The following APCDD1 variants were observed in gnomAD, a reference collection of about 807,000 sequenced individuals.
APCDD1 encodes APC down-regulated 1.
In APCDD1, 15 loss-of-function variants were observed where a neutral mutation model predicts 38.1. The observed-to-expected ratio is 0.39, with a 90% CI of 0.26 to 0.61. The LOEUF is 0.61. Among genes scored for constraint, APCDD1 ranks in the 20% least tolerant of loss-of-function variants. APCDD1 has a pLI of 0.49. For synonymous variants in APCDD1, 261 were observed against 279.7 expected (o/e 0.93, Z 0.67); for missense variants, 647 against 696.2 (o/e 0.93, Z 0.79).
At chr18:10,478,866 C>T (rs1026313968) in intron 3 of APCDD1, among the ~76,000 whole-genome samples, 1 of 152,184 alleles carries the variant, frequency 6.6e-6, no homozygotes, top group Non-Finnish European at 1.5e-5. Context: ...TTCACAAGCT[C>T]CTAGAATCCC....
In APCDD1 at chr18:10,455,033, C is replaced by T. The variant is rs751070400; in HGVS notation, c.52C>T (p.Leu18Phe). The change falls in exon 1 of 5, where the codon CTT becomes TTT. Residue 18 changes from leucine (L) to phenylalanine (F), a missense_variant. Transcript: ENST00000355285. The part of the protein sequence containing the change: ...LLRYLFPALL[L>F]HGLGEGSALL... ...CAGATACCTGTTCCCGGCCCTCCTG[C>T]TTCACGGTGAGTTCCCGAGGGCCAC... is the stretch of plus-strand genomic sequence containing the variant. 11 of 1,564,832 alleles carry T rather than the reference C, an allele frequency of 7.0e-6. No homozygotes were observed. Among genetic ancestry groups the T allele is most frequent in the Non-Finnish European group, 9.5e-6 (11 of 1,155,048 alleles).
At chr18:10,480,837 C>T in intron 3 of APCDD1, among the ~76,000 whole-genome samples, 1 of 151,528 alleles carries the variant, frequency 6.6e-6, no homozygotes, top group South Asian at 2.1e-4. Flanking sequence ...CACTGCACTC[C>T]AACCTGGGCA....
At chr18:10,456,096 G>A (rs1178897571) in intron 1 of APCDD1, among the ~76,000 whole-genome samples, 1 of 152,190 alleles carries the variant, frequency 6.6e-6, no homozygotes. Context: ...GGAAAGGGAA[G>A]AATTGTTAAC....
chr18:10,468,418 A>G (rs766634852), intron 1 of APCDD1, 51 bp from the exon 2 acceptor site: 13 of 1,601,498 alleles, frequency 8.1e-6, no homozygotes, highest in South Asian at 1.1e-5. Flanking sequence ...GGCCTGATTC[A>G]TGTCTGCTGC....
At position 10,475,222 on chromosome 18, in the gene APCDD1, T is replaced by C. The variant is rs2143543185; in HGVS notation, c.774+3161T>C. ...GACCAGGGAACATCAAAGTGTTTCA[T>C]GATGCCTAGCCATAAAACACTTCCT... On this transcript the variant is annotated intron_variant, in intron 3 of 4. Transcript: ENST00000355285. This position sits in a 1 kb window ranked among gnomAD's most constrained non-coding sequence, Gnocchi z 4.0. 6.6e-6 allele frequency among the ~76,000 whole-genome samples: 1 copy of C among 152,332 alleles called. No homozygotes were observed. The highest frequency in any genetic ancestry group is 2.1e-4 in the South Asian group (1 of 4,828).
chr18:10,481,495 A>G (rs1355609378), intron 3 of APCDD1, among the ~76,000 whole-genome samples: 1 of 152,128 alleles, frequency 6.6e-6, no homozygotes, highest in Non-Finnish European at 1.5e-5. Context: ...TCAAATCCAC[A>G]GAGACAGAAA....
At chr18:10,484,287 G>C (rs748791253) in intron 3 of APCDD1, among the ~76,000 whole-genome samples, 5 of 152,194 alleles carry the variant, frequency 3.3e-5, no homozygotes, top group Non-Finnish European at 5.9e-5. Flanking sequence ...CCCTTCTTGC[G>C]GGCCGCCTCC....
chr18:10,480,103 G>A (rs1227339817), intron 3 of APCDD1, among the ~76,000 whole-genome samples: 1 of 152,138 alleles, frequency 6.6e-6, no homozygotes, highest in Admixed American at 6.5e-5. Context: ...GCTTTAAATA[G>A]CCCTTTCTAA....
rs1334116468 is a variant in APCDD1 at position 10,488,686 on chromosome 18, G to T, written c.*648G>T. On this transcript the variant is annotated 3_prime_UTR_variant, in exon 5 of 5. Transcript: ENST00000355285. ...GAAAAGTATCTGTAATTAAAGTTTCGAAGTAATTTAACCTATTTTTACATC... is the reference window on the plus strand; with the variant it reads ...GAAAAGTATCTGTAATTAAAGTTTCTAAGTAATTTAACCTATTTTTACATC... 6.6e-6 allele frequency: 1 copy of T among 152,368 alleles called. No homozygotes were observed. The highest frequency in any genetic ancestry group is 2.4e-5 in the African/African-American group (1 of 41,570). The allele number at this position is 152,368 out of a possible 1,614,324, so 9.4% of individuals were successfully genotyped here.
chr18:10,485,264 C>T lies in APCDD1; in HGVS notation c.775-198C>T, dbSNP rs2031222994. On this transcript the variant is annotated intron_variant, in intron 3 of 4. Coordinates refer to ENST00000355285, the MANE Select transcript of APCDD1 (RefSeq NM_153000.5). This position sits in a 1 kb window ranked among gnomAD's most constrained non-coding sequence, Gnocchi z 5.8. The stretch of plus-strand genomic sequence containing the variant: ...CCTGAAATGTTTGCATAGGTCTGTA[C>T]TGTCAGGCAAACGTGTGCACTCACA... 6.6e-6 allele frequency among the ~76,000 whole-genome samples: 1 copy of T among 152,050 alleles called. No individual in the cohort carries two copies. Among genetic ancestry groups the T allele is most frequent in the Admixed American group, 6.6e-5 (1 of 15,266 alleles).
In APCDD1 at chr18:10,467,745, G is replaced by GT. The variant is rs5823100; in HGVS notation, c.59-724_59-723insT. Among the ~76,000 whole-genome samples the GT allele has an allele frequency of 0.026, 3,925 of 152,258 alleles. 151 individuals are homozygous for GT. The highest frequency in any genetic ancestry group is 0.084 in the African/African-American group (3,509 of 41,534). The stretch of plus-strand genomic sequence containing the variant: ...AGGGGCTGGACTTGGAAGATAATTG[G>GT]GGGGGAAATGTCACACCACGTCCCT... On this transcript the variant is annotated intron_variant, in intron 1 of 4. Coordinates refer to ENST00000355285, the MANE Select transcript of APCDD1 (RefSeq NM_153000.5). This position sits in a 1 kb window ranked among gnomAD's most constrained non-coding sequence, Gnocchi z 4.8.
chr18:10,465,089 A>G (rs1244067369), intron 1 of APCDD1, among the ~76,000 whole-genome samples: 1 of 152,208 alleles, frequency 6.6e-6, no homozygotes, highest in African/African-American at 2.4e-5. Flanking sequence ...TGGAGAGTTA[A>G]GTGATTTGTT....
chr18:10,473,752 T>C (rs1210393426), intron 3 of APCDD1, among the ~76,000 whole-genome samples: 1 of 152,088 alleles, frequency 6.6e-6, no homozygotes, highest in Non-Finnish European at 1.5e-5. Context: ...AATTATACTT[T>C]GGGGCCTTTC....
At chr18:10,455,853 G>T (rs1038392889) in intron 1 of APCDD1, among the ~76,000 whole-genome samples, 3 of 152,138 alleles carry the variant, frequency 2.0e-5, no homozygotes, top group Non-Finnish European at 4.4e-5. Flanking sequence ...GTTTTATGGC[G>T]CGTCGGGTTC....
At chr18:10,482,129 C>G (rs911361253) in intron 3 of APCDD1, among the ~76,000 whole-genome samples, 3 of 152,140 alleles carry the variant, frequency 2.0e-5, no homozygotes, top group African/African-American at 7.2e-5. Context: ...AACTAACGTC[C>G]CTTATTTCAT....
intron 1 of APCDD1, among the ~76,000 whole-genome samples, chr18:10,456,176 G>C (rs1012312413): frequency 5.3e-5 from 8 of 152,206 alleles, no homozygotes; most frequent in South Asian, 2.1e-4. Context: ...AGCTCCACAG[G>C]CTTTGTGAAC....
At chr18:10,466,720 G>A (rs1026604491) in intron 1 of APCDD1, among the ~76,000 whole-genome samples, 1 of 152,172 alleles carries the variant, frequency 6.6e-6, no homozygotes, top group African/African-American at 2.4e-5. Flanking sequence ...AGGAAAGGAA[G>A]CCCTGGCTTA....
intron 2 of APCDD1, 64 bp downstream of exon 2, chr18:10,468,716 T>G: frequency 6.5e-7 from 1 of 1,544,904 alleles, no homozygotes; most frequent in Non-Finnish European, 8.9e-7. Flanking sequence ...ACCCTTCTTA[T>G]GGGTTCTCAG....
chr18:10,486,528 C>T (rs1598401351), intron 4 of APCDD1, among the ~76,000 whole-genome samples: 1 of 152,226 alleles, frequency 6.6e-6, no homozygotes, highest in East Asian at 1.9e-4. Context: ...CTGTCCTTTC[C>T]AACCCTGAGC....
Sources: gnomAD v4.1 joint callset for allele counts (sites outside exome capture counted in the v4.1 genomes callset) on GRCh38, gnomAD v4.1.1 for gene constraint, Gnocchi (gnomAD v3.1) non-coding constraint, MANE v1.5 for transcripts, NCBI Gene and HGNC (gene_info 2026-07-23, HGNC 2026-07-21) for gene names.